APBA1: variants seen among roughly 807,000 people sequenced by gnomAD.
The protein encoded by APBA1 is amyloid-beta A4 precursor protein-binding family A member 1.
In APBA1, 55 loss-of-function variants were observed where a neutral mutation model predicts 86.6. The ratio of observed to expected loss-of-function variants is 0.64; its 90% CI spans 0.51 to 0.80. The LOEUF (loss-of-function observed/expected upper bound fraction) is 0.80, where lower values mean the gene tolerates loss of function less well. APBA1 is among the 30% of genes least tolerant of loss of function. The probability of loss-of-function intolerance (pLI) is 0.00; values close to 1 mark genes in which losing one functional copy is unlikely to be tolerated. For synonymous variants in APBA1, 511 were observed against 493.9 expected, an observed-to-expected ratio of 1.03 and a Z score of -0.46; for missense variants, 1,090 against 1,183.0, an observed-to-expected ratio of 0.92 and a Z score of 1.15.
intron 10 of APBA1, among the ~76,000 whole-genome samples, chr9:69,442,933 G>A (rs1320969676): frequency 6.6e-6 from 1 of 152,218 alleles, no homozygotes; most frequent in Non-Finnish European, 1.5e-5. Flanking sequence ...GCGTGAAACT[G>A]GTGTTAGACA....
chr9:69,655,101 A>T (rs1167852399), intron 1 of APBA1, among the ~76,000 whole-genome samples: 1 of 152,208 alleles, frequency 6.6e-6, no homozygotes, highest in Admixed American at 6.5e-5. Flanking sequence ...CACAGCTAAC[A>T]TCATGCTGAA....
chr9:69,580,432 A>G (rs1386643721), intron 1 of APBA1, among the ~76,000 whole-genome samples: 1 of 152,174 alleles, frequency 6.6e-6, no homozygotes, highest in African/African-American at 2.4e-5. Context: ...AACTCAGGAC[A>G]GAGGACAGAC....
At chr9:69,515,705 CG>C (rs573241752) in intron 2 of APBA1, among the ~76,000 whole-genome samples, 1 of 56,642 alleles carries the variant, frequency 1.8e-5, no homozygotes, top group Admixed American at 1.7e-4. Context: ...GGGGGGGGGG[CG>C]GGGGGTGGAG....
rs752412330 is a variant in APBA1 at position 69,476,121 on chromosome 9, G to C, written c.1223C>G (p.Ser408Cys). The part of the protein sequence containing the change: ...DGDSPSPGSS[S>C]PLGAESSSTS... ...GCTTGATGACTCTGCACCCAAGGGG[G>C]AGGAGCTGCCAGGAGACGGAGACTA... Residue 408 changes from serine (S) to cysteine (C), a missense_variant, in exon 3 of 13, where the codon TCC (serine) becomes TGC (cysteine). By Grantham distance (112) the Ser-to-Cys change is moderately radical (BLOSUM62 -1). Around this residue, in one of 6 missense-constraint regions of APBA1, gnomAD observed 678 missense variants for 647.1 expected, o/e 1.05. Coordinates refer to ENST00000265381, the MANE Select transcript of APBA1 (RefSeq NM_001163.4). 1.1e-5 allele frequency: 18 copies of C among 1,613,932 alleles called. No homozygotes were observed. The highest frequency in any genetic ancestry group is 1.4e-5 in the Non-Finnish European group (17 of 1,179,920).
intron 1 of APBA1, among the ~76,000 whole-genome samples, chr9:69,622,421 A>G (rs1822838885): frequency 6.6e-6 from 1 of 152,180 alleles, no homozygotes; most frequent in Admixed American, 6.5e-5. Context: ...GCTAGGTTTC[A>G]TGGGTTCTTC....
intron 1 of APBA1, among the ~76,000 whole-genome samples, chr9:69,517,546 C>T (rs541818573): frequency 6.6e-6 from 1 of 152,164 alleles, no homozygotes; most frequent in East Asian, 1.9e-4. Flanking sequence ...TGTTCTCCAC[C>T]ACGCATACGA....
At chr9:69,604,934 G>A (rs923829554) in intron 1 of APBA1, among the ~76,000 whole-genome samples, 3 of 152,258 alleles carry the variant, frequency 2.0e-5, no homozygotes, top group African/African-American at 7.2e-5. Flanking sequence ...GCACACACGT[G>A]AGGGTAAGTG....
intron 1 of APBA1, among the ~76,000 whole-genome samples, chr9:69,557,060 T>C (rs1474183513): frequency 1.3e-5 from 2 of 152,216 alleles, no homozygotes; most frequent in South Asian, 2.1e-4. Context: ...TTAAGAATGC[T>C]GTAGATGAAC....
At chr9:69,481,281 G>C (rs1325028547) in intron 2 of APBA1, among the ~76,000 whole-genome samples, 2 of 152,090 alleles carry the variant, frequency 1.3e-5, no homozygotes, top group East Asian at 3.9e-4. Flanking sequence ...CAAAGTCTCA[G>C]GATACAAAAT....
intron 2 of APBA1, among the ~76,000 whole-genome samples, chr9:69,490,900 A>G (rs1295244814): frequency 6.6e-6 from 1 of 152,108 alleles, no homozygotes; most frequent in African/African-American, 2.4e-5. Context: ...CAAAACCACA[A>G]TGAGCTACCA....
At chr9:69,641,050 A>G (rs908010896) in intron 1 of APBA1, among the ~76,000 whole-genome samples, 5 of 150,832 alleles carry the variant, frequency 3.3e-5, no homozygotes, top group African/African-American at 1.2e-4. Flanking sequence ...AGATGACATA[A>G]TCTATGTAGA....
At chr9:69,537,375 C>A (rs1836530299) in intron 1 of APBA1, among the ~76,000 whole-genome samples, 1 of 152,076 alleles carries the variant, frequency 6.6e-6, no homozygotes, top group South Asian at 2.1e-4. Flanking sequence ...CACCTTTTCA[C>A]TGGGACAGCT....
In APBA1 at chr9:69,620,548, G is replaced by A. The variant is rs1286996306; in HGVS notation, c.-70+51605C>T. Among the ~76,000 whole-genome samples the A allele has an allele frequency of 2.0e-5, 3 of 152,158 alleles. No individual in the cohort carries two copies. In the East Asian group the frequency reaches 5.8e-4, roughly 29 times the overall value. Reference sequence around the variant, plus strand: ...AAAAATTAGCTGGGCATGGTGGCATGTGCCTGTAGTCCTAGCTACTTGGGA... The same window carrying A: ...AAAAATTAGCTGGGCATGGTGGCATATGCCTGTAGTCCTAGCTACTTGGGA... On this transcript the variant is annotated intron_variant, in intron 1 of 12. Transcript: ENST00000265381.
chr9:69,516,736 C>T lies in APBA1; in HGVS notation c.475G>A (p.Glu159Lys). ...CCTGAGTAGGCCGCATTCATGGCTT[C>T]CTCGTGCTCCAGCGAGTGGAAGTGC... ...HLHFHSLEHE[E>K]AMNAAYSGYV... The change falls in exon 2 of 13, where the codon GAA becomes AAA. Residue 159 changes from glutamate (E) to lysine (K), a missense_variant. Glu to Lys is a moderately conservative substitution (Grantham distance 56, BLOSUM62 1). This residue lies in a region of APBA1 where 678 missense variants were observed against 647.1 expected (regional missense o/e 1.05). Transcript: ENST00000265381. The surrounding 1 kb of genome is among the most constrained non-coding windows in gnomAD (Gnocchi z 7.3). 2 of 1,612,056 alleles carry T rather than the reference C, an allele frequency of 1.2e-6. No homozygotes were observed. Among genetic ancestry groups the T allele is most frequent in the Non-Finnish European group, 1.7e-6 (2 of 1,179,444 alleles).
intron 11 of APBA1, among the ~76,000 whole-genome samples, chr9:69,436,680 G>C (rs966165001): frequency 6.6e-6 from 1 of 151,722 alleles, no homozygotes; most frequent in Non-Finnish European, 1.5e-5. Context: ...TTTGGGCTGA[G>C]ACAGTGGGGT....
rs1191311014 is a variant in APBA1, at chr9:69,431,161, A to G, written c.*166T>C. The stretch of plus-strand genomic sequence containing the variant: ...GTATTGAAAAAAAAAAAAAAAAAAA[A>G]GCAAATCGGAGAGAGTAAAGAGGTC... On this transcript the variant is annotated 3_prime_UTR_variant, in exon 13 of 13. Transcript: ENST00000265381. The G allele has an allele frequency of 1.5e-5, 7 of 476,666 alleles. No individual in the cohort carries two copies. Among genetic ancestry groups the G allele is most frequent in the East Asian group, 3.5e-5 (1 of 28,896 alleles). The allele number at this position is 476,666 out of a possible 1,614,324, so 29.5% of individuals were successfully genotyped here.
At chr9:69,668,775 T>TAC (rs1198486472) in intron 1 of APBA1, among the ~76,000 whole-genome samples, 3 of 152,150 alleles carry the variant, frequency 2.0e-5, no homozygotes, top group African/African-American at 7.2e-5. Context: ...TGTGTAGGCA[T>TAC]ACACCTTCCA....
intron 1 of APBA1, among the ~76,000 whole-genome samples, chr9:69,536,741 G>T (rs1408377806): frequency 6.8e-6 from 1 of 147,690 alleles, no homozygotes; most frequent in African/African-American, 2.5e-5. Flanking sequence ...TTAGACAGGC[G>T]TGTTCGCACA....
chr9:69,669,022 T>C (rs1221941716), intron 1 of APBA1, among the ~76,000 whole-genome samples: 1 of 152,234 alleles, frequency 6.6e-6, no homozygotes, highest in South Asian at 2.1e-4. Flanking sequence ...TCTTTTCTCC[T>C]TCTAGATCAT....
Sources: gnomAD v4.1 joint callset for allele counts (sites outside exome capture counted in the v4.1 genomes callset) on GRCh38, gnomAD v4.1.1 for gene constraint, gnomAD v4.1.1 regional missense constraint, Gnocchi (gnomAD v3.1) non-coding constraint, MANE v1.5 for transcripts, NCBI Gene and HGNC (gene_info 2026-07-23, HGNC 2026-07-21) for gene names.